Variants in RBFOX3 observed in about 807,000 individuals in gnomAD.
RBFOX3 encodes RNA binding protein fox-1 homolog 3.
In RBFOX3, 17 loss-of-function variants were observed where a neutral mutation model predicts 48.7. That is an observed-to-expected ratio of 0.35 (90% confidence interval 0.24 to 0.52). RBFOX3 has a LOEUF of 0.52. Among genes scored for constraint, RBFOX3 ranks in the 20% least tolerant of loss-of-function variants. The pLI, the probability that RBFOX3 is intolerant of heterozygous loss-of-function variation, is 0.94. For missense variants in RBFOX3, 382 were observed against 497.5 expected (o/e 0.77, Z 2.21); for synonymous variants, 212 against 209.5 (o/e 1.01, Z -0.10).
intron 4 of RBFOX3, among the ~76,000 whole-genome samples, chr17:79,218,497 G>A (rs753161244): frequency 5.3e-5 from 8 of 152,204 alleles, no homozygotes; most frequent in Admixed American, 3.3e-4. Context: ...GGGCTTGGCC[G>A]AGCGTGGCTG....
intron 4 of RBFOX3, among the ~76,000 whole-genome samples, chr17:79,159,202 C>T (rs1231618579): frequency 1.3e-5 from 2 of 152,208 alleles, no homozygotes; most frequent in Non-Finnish European, 2.9e-5. Context: ...TGACTCAATG[C>T]CCAGCACCAG....
At chr17:79,577,200 A>G (rs2092892268) in intron 1 of RBFOX3, among the ~76,000 whole-genome samples, 1 of 152,142 alleles carries the variant, frequency 6.6e-6, no homozygotes. Flanking sequence ...TCCAATGACC[A>G]AGATCTAAAC....
rs934691788 is a variant in RBFOX3, at chr17:79,130,456, C to T, written c.-33-14708G>A. ...GCCGCCTGCTGTTGGCAGTGGAGGG[C>T]GGGCACAGGCTGGGCCGCTGTGGTC... On this transcript the variant is annotated intron_variant, in intron 4 of 14. Coordinates refer to ENST00000693108, the MANE Select transcript of RBFOX3 (RefSeq NM_001350451.2). Among the ~76,000 whole-genome samples the T allele has an allele frequency of 7.2e-5, 11 of 152,364 alleles. No individual in the cohort carries two copies. In the South Asian group the frequency reaches 1.4e-3, roughly 20 times the overall value.
intron 2 of RBFOX3, among the ~76,000 whole-genome samples, chr17:79,398,187 C>T (rs917767065): frequency 6.6e-6 from 1 of 152,108 alleles, no homozygotes; most frequent in African/African-American, 2.4e-5. Context: ...CAGTCCTGAT[C>T]CTGCTGGGCC....
At chr17:79,398,727 T>G (rs2148365590) in intron 2 of RBFOX3, among the ~76,000 whole-genome samples, 1 of 152,236 alleles carries the variant, frequency 6.6e-6, no homozygotes, top group East Asian at 1.9e-4. Context: ...CATAAAGTAG[T>G]AAGGGCAGGG....
At chr17:79,279,331 C>A (rs2069688108) in intron 3 of RBFOX3, among the ~76,000 whole-genome samples, 1 of 152,166 alleles carries the variant, frequency 6.6e-6, no homozygotes, top group Admixed American at 6.5e-5. Context: ...TCCCACAGCA[C>A]CCAGGACATT....
At chr17:79,532,399 T>C (rs1599061744) in intron 1 of RBFOX3, among the ~76,000 whole-genome samples, 1 of 152,008 alleles carries the variant, frequency 6.6e-6, no homozygotes, top group Non-Finnish European at 1.5e-5. Flanking sequence ...AGCCTCTGGA[T>C]TGGGACAGAG....
chr17:79,151,388 G>T (rs577263044), intron 4 of RBFOX3, among the ~76,000 whole-genome samples: 1 of 136,332 alleles, frequency 7.3e-6, no homozygotes, highest in African/African-American at 2.8e-5. Context: ...GGGCTTCCCG[G>T]CAGAGAGCAA....
chr17:79,289,811 G>A (rs1394751806), intron 3 of RBFOX3, among the ~76,000 whole-genome samples: 1 of 152,262 alleles, frequency 6.6e-6, no homozygotes, highest in Non-Finnish European at 1.5e-5. Context: ...TAATGAGTTG[G>A]AAGAACAGCT....
At chr17:79,496,014 G>T (rs1205820706) in intron 1 of RBFOX3, among the ~76,000 whole-genome samples, 1 of 151,996 alleles carries the variant, frequency 6.6e-6, no homozygotes, top group East Asian at 1.9e-4. Flanking sequence ...TTGAACGGCC[G>T]ACATGTTCTC....
At chr17:79,650,004 C>T in the RBFOX3 span, among the ~76,000 whole-genome samples, 1 of 152,172 alleles carries the variant, frequency 6.6e-6, no homozygotes, top group Admixed American at 6.5e-5. Flanking sequence ...AAACCGGCCC[C>T]CTGATCCAAT....
chr17:79,140,299 G>C (rs1044014243), intron 4 of RBFOX3, among the ~76,000 whole-genome samples: 4 of 152,256 alleles, frequency 2.6e-5, no homozygotes, highest in African/African-American at 9.6e-5. Flanking sequence ...TCTGAGCCCA[G>C]GGCCATTTCC....
At chr17:79,534,409 G>A (rs1555788216) in intron 1 of RBFOX3, among the ~76,000 whole-genome samples, 1 of 152,192 alleles carries the variant, frequency 6.6e-6, no homozygotes, top group Admixed American at 6.5e-5. Context: ...TCAGAGGGAG[G>A]TGGGAGAGGT....
chr17:79,405,099 C>A (rs1245167117), intron 2 of RBFOX3, among the ~76,000 whole-genome samples: 2 of 152,186 alleles, frequency 1.3e-5, no homozygotes, highest in African/African-American at 4.8e-5. Flanking sequence ...TAGCCCTTTA[C>A]GTATTCATCT....
chr17:79,408,910 C>T (rs1182008875), intron 2 of RBFOX3, among the ~76,000 whole-genome samples: 1 of 152,130 alleles, frequency 6.6e-6, no homozygotes, highest in African/African-American at 2.4e-5. Context: ...TGTGATGCAA[C>T]CACTGTCTCT....
chr17:79,403,842 C>A (rs1488382938), intron 2 of RBFOX3, among the ~76,000 whole-genome samples: 1 of 147,650 alleles, frequency 6.8e-6, no homozygotes. Context: ...TACAGTGGCG[C>A]GATCTCGGCT....
At position 79,493,790 on chromosome 17, in the gene RBFOX3, T is replaced by C. The variant is rs370197146; in HGVS notation, c.-319-11192A>G. Reference sequence around the variant, plus strand: ...ATAAATGGATGGAAAGAAAGAAAGATAAAAACCCTGAGTTTCACCTGGAGG... The same window carrying C: ...ATAAATGGATGGAAAGAAAGAAAGACAAAAACCCTGAGTTTCACCTGGAGG... On this transcript the variant is annotated intron_variant, in intron 1 of 14. Transcript: ENST00000693108. Among the ~76,000 whole-genome samples, 346 of 152,274 alleles carry C rather than the reference T, an allele frequency of 2.3e-3. 2 individuals carry two copies. The highest frequency in any genetic ancestry group is 8.1e-3 in the African/African-American group (336 of 41,556).
At chr17:79,521,102 A>G (rs2086004244) in intron 1 of RBFOX3, among the ~76,000 whole-genome samples, 1 of 152,186 alleles carries the variant, frequency 6.6e-6, no homozygotes, top group Admixed American at 6.5e-5. Flanking sequence ...TGAGAGACAC[A>G]GCTTGTCCCC....
At chr17:79,114,887 C>T (rs2033394757) in intron 5 of RBFOX3, among the ~76,000 whole-genome samples, 1 of 152,224 alleles carries the variant, frequency 6.6e-6, no homozygotes, top group Non-Finnish European at 1.5e-5. Context: ...GCCGCTTGGC[C>T]ACTCCCTGCT....
Sources: allele counts gnomAD v4.1 joint callset (sites outside exome capture counted in the v4.1 genomes callset), GRCh38; gene constraint gnomAD v4.1.1; transcripts MANE v1.5; gene names NCBI Gene and HGNC (gene_info 2026-07-23, HGNC 2026-07-21).